Variants in ATP8B1 observed in about 807,000 individuals in gnomAD.
ATP8B1 encodes the protein ATPase phospholipid transporting 8B1, also known as phospholipid-transporting ATPase IC.
In ATP8B1, 80 loss-of-function variants were observed where a neutral mutation model predicts 149.9. The ratio of observed to expected loss-of-function variants is 0.53; its 90% CI spans 0.45 to 0.64. The LOEUF (loss-of-function observed/expected upper bound fraction) is 0.64. Among genes scored for constraint, ATP8B1 ranks in the 30% least tolerant of loss-of-function variants. The pLI is 0.00. For synonymous variants in ATP8B1, 536 were observed against 562.8 expected, an observed-to-expected ratio of 0.95 and a Z score of 0.67; for missense variants, 1,247 against 1,552.6, an observed-to-expected ratio of 0.80 and a Z score of 3.31.
At chr18:57,711,228 T>C (rs188712934) in intron 2 of ATP8B1, among the ~76,000 whole-genome samples, 91 of 152,296 alleles carry the variant, frequency 6.0e-4, no homozygotes, top group African/African-American at 2.0e-3. Flanking sequence ...TGCAGCCCTA[T>C]TTATCAGAAC....
chr18:57,685,249 G>T (rs1362326004), intron 13 of ATP8B1, 134 bp from the exon 14 acceptor site: 6 of 974,646 alleles, frequency 6.2e-6, no homozygotes, highest in Non-Finnish European at 9.8e-6. Flanking sequence ...TTATTATCTG[G>T]CACTTTACAG....
chr18:57,669,906 G>T (rs9961554), intron 17 of ATP8B1, among the ~76,000 whole-genome samples: 2 of 151,862 alleles, frequency 1.3e-5, no homozygotes, highest in African/African-American at 2.4e-5. Flanking sequence ...GCCTCCCAGC[G>T]TGCTGGGATT....
Position 57,692,495 on chromosome 18 carries a change from G to A in ATP8B1, c.1030-498C>T, listed in dbSNP as rs552690337. Among the ~76,000 whole-genome samples, 13 of 136,042 alleles carry A rather than the reference G, an allele frequency of 9.6e-5. No individual in the cohort carries two copies. In the South Asian group the frequency reaches 2.3e-3, roughly 24 times the overall value. 89.2% of individuals were successfully genotyped at this position (136,042 alleles called of 152,430 possible). ...GTATCACCCAGGCTGGAGTGCAGTG[G>A]TGCCATTGTGGCTCACTACAACCTC... On this transcript the variant is annotated intron_variant, in intron 11 of 27. Transcript: ENST00000648908.
intron 1 of ATP8B1, among the ~76,000 whole-genome samples, chr18:57,789,450 G>A (rs1438931021): frequency 6.6e-6 from 1 of 152,166 alleles, no homozygotes; most frequent in Non-Finnish European, 1.5e-5. Flanking sequence ...ACGGGACTAA[G>A]TGGGTCAATA....
intron 23 of ATP8B1, among the ~76,000 whole-genome samples, chr18:57,654,694 CCTTT>C (rs1299753274): frequency 4.6e-5 from 5 of 108,038 alleles, no homozygotes; most frequent in Non-Finnish European, 9.8e-5. Flanking sequence ...CAAATCCCCT[CCTTT>C]TTTTTTTTTT....
chr18:57,663,009 C>T (rs1239338183), intron 20 of ATP8B1, among the ~76,000 whole-genome samples: 1 of 152,154 alleles, frequency 6.6e-6, no homozygotes, highest in African/African-American at 2.4e-5. Context: ...TAACTATAGT[C>T]ACATTGTTAT....
intron 1 of ATP8B1, among the ~76,000 whole-genome samples, chr18:57,779,679 C>A (rs2080340751): frequency 6.6e-6 from 1 of 152,048 alleles, no homozygotes; most frequent in Non-Finnish European, 1.5e-5. Flanking sequence ...GCGGGTAGGT[C>A]ACGAGGTCAG....
chr18:57,763,323 C>T (rs1218201877), intron 1 of ATP8B1, among the ~76,000 whole-genome samples: 2 of 151,540 alleles, frequency 1.3e-5, no homozygotes, highest in African/African-American at 2.4e-5. Flanking sequence ...ACCTGGGAGG[C>T]GGAGATTGCG....
intron 20 of ATP8B1, 46 bp from the exon 21 acceptor site, chr18:57,662,661 A>G: frequency 6.2e-7 from 1 of 1,606,204 alleles, no homozygotes; most frequent in Non-Finnish European, 8.5e-7. Flanking sequence ...GACCCTAAAT[A>G]GGCCCTTGAC....
At chr18:57,688,117 C>T (rs566817919) in intron 13 of ATP8B1, among the ~76,000 whole-genome samples, 182 bp downstream of exon 13, 2 of 152,284 alleles carry the variant, frequency 1.3e-5, no homozygotes, top group East Asian at 3.9e-4. Flanking sequence ...CTCTCCCACG[C>T]ATGTGTCCCC....
chr18:57,655,496 T>C (rs1440015920), intron 22 of ATP8B1, 79 bp from the exon 23 acceptor site: 17 of 1,341,464 alleles, frequency 1.3e-5, no homozygotes, highest in Non-Finnish European at 1.7e-5. Flanking sequence ...AATGGTTCCA[T>C]AGCAAACAAA....
Position 57,662,892 on chromosome 18 carries a change from T to A in ATP8B1, c.2286-277A>T, listed in dbSNP as rs558602451. Among the ~76,000 whole-genome samples, 8 of 152,326 alleles carry A rather than the reference T, an allele frequency of 5.3e-5. No individual in the cohort carries two copies. The South Asian group carries it at 8.3e-4, about 16-fold the overall frequency. On this transcript the variant is annotated intron_variant, in intron 20 of 27. Coordinates refer to ENST00000648908, the MANE Select transcript of ATP8B1 (RefSeq NM_001374385.1). ...CCTCAGCCTCCTGAGTTGCTGGGAC[T>A]ATAGGCACACGCTATCACGCCTGGC...
chr18:57,756,208 T>C (rs56092739), intron 1 of ATP8B1, among the ~76,000 whole-genome samples: 32,098 of 83,666 alleles, frequency 0.38, 5,297 homozygotes, highest in South Asian at 0.5. Context: ...TATATATATA[T>C]ATACACACAC....
intron 1 of ATP8B1, among the ~76,000 whole-genome samples, chr18:57,767,449 C>A (rs1378690543): frequency 6.6e-6 from 1 of 152,112 alleles, no homozygotes; most frequent in East Asian, 1.9e-4. Context: ...GCACTAGCCT[C>A]ATTTCAAGTG....
chr18:57,731,308 AATAT>A (rs878964423), intron 2 of ATP8B1: 1 of 141,296 alleles, frequency 7.1e-6, no homozygotes, highest in African/African-American at 2.9e-5. Context: ...CCTGCCTCAA[AATAT>A]ATATATATAT....
chr18:57,764,413 C>T, intron 1 of ATP8B1, among the ~76,000 whole-genome samples: 1 of 126,396 alleles, frequency 7.9e-6, no homozygotes, highest in African/African-American at 2.9e-5. Context: ...TTCTTTCTCT[C>T]TTTCTCTCTT....
intron 1 of ATP8B1, among the ~76,000 whole-genome samples, chr18:57,762,557 T>G (rs2080168156): frequency 6.6e-6 from 1 of 152,160 alleles, no homozygotes. Context: ...GGTACCTAGT[T>G]GAAAGAATGC....
Position 57,731,333 on chromosome 18 carries a change from AT to A in ATP8B1, c.181+293del. 2 of 538 alleles carry A rather than the reference AT, an allele frequency of 3.7e-3. 1 individual carries two copies. The highest frequency in any genetic ancestry group is 0.077 in the East Asian group (2 of 26). The allele number at this position is 538 out of a possible 1,614,324, so 0.0% of individuals were successfully genotyped here. ...AATATATATATATATATATATATAT[AT>A]ATATATATATATATATATATATATA... On this transcript the variant is annotated intron_variant, in intron 2 of 27. Transcript: ENST00000648908.
At chr18:57,782,674 A>T (rs12970207) in intron 1 of ATP8B1, among the ~76,000 whole-genome samples, 14,718 of 152,202 alleles carry the variant, frequency 0.097, 826 homozygotes, top group Middle Eastern at 0.25. Flanking sequence ...CCTCTGGTTT[A>T]TGCATTTTTA....
Sources: allele counts gnomAD v4.1 joint callset (sites outside exome capture counted in the v4.1 genomes callset), GRCh38; gene constraint gnomAD v4.1.1; transcripts MANE v1.5; gene names NCBI Gene and HGNC (gene_info 2026-07-23, HGNC 2026-07-21).